Variants in CNGA3 observed in about 807,000 individuals in gnomAD.
CNGA3 encodes the protein cyclic nucleotide gated channel subunit alpha 3, also known as cyclic nucleotide-gated channel alpha-3.
Under a neutral mutation model 46.6 loss-of-function variants are expected in CNGA3, and 42 were observed. The ratio of observed to expected loss-of-function variants is 0.90; its 90% CI spans 0.70 to 1.17. The LOEUF (loss-of-function observed/expected upper bound fraction) is 1.17. CNGA3 is among the 50% of genes most tolerant of loss of function. The pLI is 0.00. For missense variants in CNGA3, 893 were observed against 890.7 expected (o/e 1.00, Z -0.03); for synonymous variants, 394 against 369.4 (o/e 1.07, Z -0.76).
At position 98,383,372 on chromosome 2, in the gene CNGA3, C is replaced by T; in HGVS notation, c.396-16C>T. Reference sequence around the variant, plus strand: ...ACAGAGTTCAGACCCTTGATGTTCTCTCTACCTTCCCGCAGCGCCTGGCCC... The same window carrying T: ...ACAGAGTTCAGACCCTTGATGTTCTTTCTACCTTCCCGCAGCGCCTGGCCC... On this transcript the variant is annotated splice_polypyrimidine_tract_variant and intron_variant, in intron 4 of 7. Coordinates refer to ENST00000272602, the MANE Select transcript of CNGA3 (RefSeq NM_001298.3). 3.7e-6 allele frequency: 6 copies of T among 1,613,916 alleles called. No homozygotes were observed. Among genetic ancestry groups the T allele is most frequent in the Non-Finnish European group, 5.1e-6 (6 of 1,179,852 alleles).
chr2:98,390,303 T>C (rs1692755680), intron 6 of CNGA3, among the ~76,000 whole-genome samples: 1 of 144,908 alleles, frequency 6.9e-6, no homozygotes, highest in African/African-American at 2.5e-5. Flanking sequence ...GCCTGGCTTT[T>C]ATATATATAT....
At chr2:98,359,622 C>G (rs1691977016) in intron 1 of CNGA3, among the ~76,000 whole-genome samples, 2 of 152,218 alleles carry the variant, frequency 1.3e-5, no homozygotes, top group South Asian at 4.1e-4. Context: ...ATGAGGAGAG[C>G]TGATCTCTGG....
intron 1 of CNGA3, among the ~76,000 whole-genome samples, chr2:98,355,345 T>C (rs1166079375): frequency 6.6e-6 from 1 of 152,192 alleles, no homozygotes; most frequent in African/African-American, 2.4e-5. Flanking sequence ...CCTTTCTGTT[T>C]TTGAAGCTCT....
intron 1 of CNGA3, among the ~76,000 whole-genome samples, chr2:98,351,592 C>T (rs779073564): frequency 1.4e-4 from 21 of 152,240 alleles, no homozygotes; most frequent in Admixed American, 7.8e-4. Context: ...TTATCAGCAG[C>T]ATGAAAATGG....
intron 4 of CNGA3, among the ~76,000 whole-genome samples, chr2:98,381,434 G>A (rs951531007): frequency 5.9e-5 from 9 of 152,184 alleles, no homozygotes; most frequent in African/African-American, 9.7e-5. Context: ...GTCATATGAG[G>A]GTTTCTGGTG....
chr2:98,366,479 C>T (rs1279415306), intron 1 of CNGA3, among the ~76,000 whole-genome samples: 1 of 152,232 alleles, frequency 6.6e-6, no homozygotes, highest in Non-Finnish European at 1.5e-5. Context: ...CTGCCCGATT[C>T]CTTAAAGCCA....
At chr2:98,374,678 T>C (rs979166903) in intron 2 of CNGA3, among the ~76,000 whole-genome samples, 2 of 152,142 alleles carry the variant, frequency 1.3e-5, no homozygotes, top group Non-Finnish European at 2.9e-5. Context: ...CCTGGTAAAA[T>C]CAGTTTCTGG....
At chr2:98,368,343 G>C (rs773306856) in intron 1 of CNGA3, among the ~76,000 whole-genome samples, 49 of 152,330 alleles carry the variant, frequency 3.2e-4, no homozygotes, top group Middle Eastern at 3.4e-3. Context: ...TTTCTCCGGA[G>C]TGGTCTCCAC....
intron 1 of CNGA3, among the ~76,000 whole-genome samples, chr2:98,353,350 A>C (rs1334382383): frequency 6.6e-6 from 1 of 152,188 alleles, no homozygotes; most frequent in African/African-American, 2.4e-5. Context: ...GCTCTGTAAT[A>C]ATTTTTATTT....
At chr2:98,348,852 G>A (rs1041072148) in intron 1 of CNGA3, among the ~76,000 whole-genome samples, 15 of 152,216 alleles carry the variant, frequency 9.9e-5, no homozygotes, top group African/African-American at 3.6e-4. Context: ...AACCTACCAG[G>A]TGGCCTGCAT....
intron 1 of CNGA3, among the ~76,000 whole-genome samples, chr2:98,360,201 A>T (rs1292786193): frequency 7.9e-5 from 12 of 152,108 alleles, no homozygotes; most frequent in African/African-American, 2.7e-4. Context: ...TAAGAGAGGG[A>T]GGGGGGCTGC....
intron 1 of CNGA3, among the ~76,000 whole-genome samples, chr2:98,346,829 C>T (rs1289318804): frequency 1.3e-5 from 2 of 152,172 alleles, no homozygotes; most frequent in Non-Finnish European, 2.9e-5. Flanking sequence ...CCAAGCCGAT[C>T]GCACCCCCTT....
At chr2:98,387,302 C>T (rs1279427135) in intron 5 of CNGA3, among the ~76,000 whole-genome samples, 5 of 152,110 alleles carry the variant, frequency 3.3e-5, no homozygotes, top group Non-Finnish European at 7.4e-5. Flanking sequence ...TGATTATTTC[C>T]ATAGGAAGTG....
chr2:98,369,910 G>A, intron 1 of CNGA3, 29 bp from the exon 2 acceptor site: 2 of 1,399,726 alleles, frequency 1.4e-6, no homozygotes, highest in Non-Finnish European at 1.0e-6. Context: ...CTGTCCTGAT[G>A]ACGTGTCTGC....
chr2:98,383,539 CCACTCCCAGAG>C, intron 5 of CNGA3, 98 bp downstream of exon 5: 2 of 1,091,494 alleles, frequency 1.8e-6, no homozygotes, highest in South Asian at 2.5e-5. Context: ...CTCCTGCTCC[CCACTCCCAGAG>C]CACCAGTAGA....
rs775262372 is a variant in CNGA3, at chr2:98,396,206, G to A, written c.1036G>A (p.Gly346Arg). The stretch of plus-strand genomic sequence containing the variant: ...CCCAAACATCTCAATCCCAGAGCAT[G>A]GGCGCCTCTCCAGGAAGTACATTTA... ...VYPNISIPEH[G>R]RLSRKYIYSL... Residue 346 changes from glycine (G) to arginine (R), a missense_variant, in exon 8 of 8, where the codon GGG (glycine) becomes AGG (arginine). Physicochemically the swap from Gly to Arg is moderately radical, Grantham distance 125 (BLOSUM62 -2). Transcript: ENST00000272602. 6.2e-7 allele frequency: 1 copy of A among 1,614,160 alleles called. No homozygotes were observed. Among genetic ancestry groups the A allele is most frequent in the Non-Finnish European group, 8.5e-7 (1 of 1,180,030 alleles).
intron 7 of CNGA3, among the ~76,000 whole-genome samples, chr2:98,392,561 A>G (rs576569094): frequency 1.2e-4 from 18 of 151,682 alleles, no homozygotes; most frequent in Middle Eastern, 3.4e-3. Flanking sequence ...ATTCTGTCTC[A>G]AAAAAAGAAA....
At chr2:98,362,494 A>G (rs2104152307) in intron 1 of CNGA3, among the ~76,000 whole-genome samples, 1 of 151,368 alleles carries the variant, frequency 6.6e-6, no homozygotes, top group Admixed American at 6.6e-5. Context: ...CCACTTTTTA[A>G]TGTTGTTTTT....
intron 4 of CNGA3, among the ~76,000 whole-genome samples, chr2:98,381,938 T>G (rs947347911): frequency 5.3e-5 from 8 of 151,898 alleles, no homozygotes; most frequent in African/African-American, 1.7e-4. Context: ...GCCAGACTGG[T>G]CTAATTCCTT....
Sources: gnomAD v4.1 joint callset for allele counts (sites outside exome capture counted in the v4.1 genomes callset) on GRCh38, gnomAD v4.1.1 for gene constraint, MANE v1.5 for transcripts, NCBI Gene and HGNC (gene_info 2026-07-23, HGNC 2026-07-21) for gene names.